CTBP2: variants seen among roughly 807,000 people sequenced by gnomAD.
CTBP2 encodes C-terminal binding protein 2, also known as C-terminal-binding protein 2.
Under a neutral mutation model 80.3 loss-of-function variants are expected in CTBP2, and 30 were observed. That is an observed-to-expected ratio of 0.37 (90% CI 0.28 to 0.51). The LOEUF (loss-of-function observed/expected upper bound fraction) is 0.51. CTBP2 is among the 20% of genes least tolerant of loss of function. CTBP2 has a pLI of 0.93. For missense variants in CTBP2, 1,212 were observed against 1,375.3 expected, an observed-to-expected ratio of 0.88 and a Z score of 1.88; for synonymous variants, 594 against 587.4, an observed-to-expected ratio of 1.01 and a Z score of -0.16.
chr10:125,123,955 A>G (rs1306583193), intron 1 of CTBP2, among the ~76,000 whole-genome samples: 2 of 152,218 alleles, frequency 1.3e-5, no homozygotes, highest in Non-Finnish European at 2.9e-5. Flanking sequence ...GTGCTGGGCA[A>G]GTGCCTCTCT....
rs1952018098 is a variant in CTBP2 at position 124,985,731 on chromosome 10, G to T, written c.*3787C>A. The T allele has an allele frequency of 6.6e-6, 1 of 152,354 alleles. No individual in the cohort carries two copies. Among genetic ancestry groups the T allele is most frequent in the Non-Finnish European group, 1.5e-5 (1 of 68,032 alleles). 9.4% of individuals were successfully genotyped at this position (152,354 alleles called of 1,614,324 possible). ...TTGGGAAGAATACCTTAAAATGAGG[G>T]TTCTTATTCCAGATTCTGGGCAGTG... On this transcript the variant is annotated 3_prime_UTR_variant, in exon 9 of 9. Coordinates refer to ENST00000309035, the MANE Select transcript of CTBP2 (RefSeq NM_022802.3).
chr10:125,148,098 C>A (rs905300341), intron 1 of CTBP2, among the ~76,000 whole-genome samples: 2 of 152,186 alleles, frequency 1.3e-5, no homozygotes, highest in African/African-American at 4.8e-5. Flanking sequence ...CTTTGCCACA[C>A]TTCCTTGTTT....
chr10:125,142,884 A>G (rs542364722), intron 1 of CTBP2, among the ~76,000 whole-genome samples: 1 of 152,280 alleles, frequency 6.6e-6, no homozygotes, highest in African/African-American at 2.4e-5. Context: ...TTACTCAGGG[A>G]AAATCATTTC....
chr10:125,056,064 C>G (rs1963844201), intron 2 of CTBP2, among the ~76,000 whole-genome samples: 1 of 152,012 alleles, frequency 6.6e-6, no homozygotes, highest in African/African-American at 2.4e-5. Context: ...ACTCAGGAGG[C>G]TAAGGCAGGA....
At chr10:125,162,108 A>G (rs1861933949), upstream of CTBP2, among the ~76,000 whole-genome samples, 1 of 152,190 alleles carries the variant, frequency 6.6e-6, no homozygotes, top group South Asian at 2.1e-4. Context: ...TCCTCCAAGA[A>G]TCCCTGGGTG....
chr10:125,079,236 C>G (rs567042894), intron 2 of CTBP2, among the ~76,000 whole-genome samples: 1 of 152,132 alleles, frequency 6.6e-6, no homozygotes, highest in Admixed American at 6.6e-5. Flanking sequence ...GGATATCACC[C>G]GGCTCCACCA....
rs772906761 is a variant in CTBP2 at position 125,026,424 on chromosome 10, C to A, written c.1336G>T (p.Ala446Ser). 2 of 1,604,110 alleles carry A rather than the reference C, an allele frequency of 1.2e-6. No homozygotes were observed. Among genetic ancestry groups the A allele is most frequent in the South Asian group, 1.1e-5 (1 of 90,490 alleles). ...GTGGGGCTCAGACGCGCTGTCAGGG[C>A]GCAAGGGGTGGGAGAGCTGTACCCG... The change falls in exon 1 of 9, where the codon GCC becomes TCC. Residue 446 changes from alanine to serine, a missense_variant. Physicochemically the swap from Ala to Ser is moderately conservative, Grantham distance 99. Transcript: ENST00000309035.
intron 2 of CTBP2, among the ~76,000 whole-genome samples, chr10:125,097,309 A>G (rs1849684574): frequency 6.6e-6 from 1 of 152,232 alleles, no homozygotes; most frequent in African/African-American, 2.4e-5. Flanking sequence ...TCCAATTACA[A>G]AATTTACTAG....
chr10:125,079,443 C>T (rs1846845300), intron 2 of CTBP2, among the ~76,000 whole-genome samples: 1 of 152,206 alleles, frequency 6.6e-6, no homozygotes, highest in South Asian at 2.1e-4. Context: ...TCTAGGGATT[C>T]AGTCCTGCGA....
intron 2 of CTBP2, among the ~76,000 whole-genome samples, chr10:125,041,275 T>A (rs1959660108): frequency 6.6e-6 from 1 of 152,122 alleles, no homozygotes; most frequent in African/African-American, 2.4e-5. Flanking sequence ...GAGATGGGGT[T>A]TCACACCATG....
chr10:125,156,518 G>C (rs1044645698), intron 1 of CTBP2, among the ~76,000 whole-genome samples: 3 of 152,130 alleles, frequency 2.0e-5, no homozygotes, highest in African/African-American at 7.2e-5. Context: ...GATCTCAGCA[G>C]GGCTACTCCC....
In CTBP2 at chr10:124,998,185, G is replaced by A. The variant is rs1462512800; in HGVS notation, c.1979-15C>T. The A allele has an allele frequency of 1.3e-6, 2 of 1,591,888 alleles. No individual in the cohort carries two copies. The highest frequency in any genetic ancestry group is 1.1e-5 in the South Asian group (1 of 87,678). On this transcript the variant is annotated splice_polypyrimidine_tract_variant and intron_variant, in intron 3 of 8. Coordinates refer to ENST00000309035, the MANE Select transcript of CTBP2 (RefSeq NM_022802.3). ...CACGGCAATTCCTGAAAGGGATGAG[G>A]CCAAGGCCGGAGATGAGAAAACCTC...
In CTBP2 at chr10:125,090,684, GC is replaced by G. The variant is rs1848637712; in HGVS notation, c.-102+20305del. On this transcript the variant is annotated intron_variant, in intron 2 of 10. Transcript: ENST00000337195. The stretch of plus-strand genomic sequence containing the variant: ...AGGCTGAGGTGGGAGGACTGCTTGA[GC>G]CCAGGACGTCGAGGCTGTAGTAAGC... 3.3e-5 allele frequency among the ~76,000 whole-genome samples: 5 copies of G among 151,862 alleles called. No individual in the cohort carries two copies. In the South Asian group the frequency reaches 1.0e-3, roughly 32 times the overall value.
chr10:125,069,880 G>GCCC (rs1201050608), intron 2 of CTBP2, among the ~76,000 whole-genome samples: 1 of 102,886 alleles, frequency 9.7e-6, no homozygotes. Flanking sequence ...TCCATACCCT[G>GCCC]CCCCCCTCCC....
chr10:125,071,332 G>A (rs1845455490), intron 2 of CTBP2, among the ~76,000 whole-genome samples: 1 of 152,246 alleles, frequency 6.6e-6, no homozygotes, highest in Non-Finnish European at 1.5e-5. Flanking sequence ...ATTCAGGGAT[G>A]ATGGAAAAAC....
In CTBP2 at chr10:125,106,294, C is replaced by T. The variant is rs80183066; in HGVS notation, c.-102+4696G>A. Among the ~76,000 whole-genome samples the T allele has an allele frequency of 8.9e-3, 1,348 of 152,284 alleles. 46 individuals are homozygous for T. The South Asian group carries it at 0.12, about 13-fold the overall frequency. On this transcript the variant is annotated intron_variant, in intron 2 of 10. Transcript: ENST00000337195. ...ACCATGACAAACCTGAGAAAGCTTC[C>T]AGGAATATCAAAGCCCCCGGGAAGC...
chr10:125,022,193 T>G (rs1452305318), intron 1 of CTBP2, among the ~76,000 whole-genome samples: 2 of 151,876 alleles, frequency 1.3e-5, no homozygotes, highest in African/African-American at 4.8e-5. Flanking sequence ...CCTGCTTCCC[T>G]GCCGGTGCAC....
chr10:125,040,000 C>G (rs2936544), intron 2 of CTBP2, among the ~76,000 whole-genome samples: 8,646 of 152,196 alleles, frequency 0.057, 489 homozygotes, highest in African/African-American at 0.15. Context: ...GGAAGAGGAG[C>G]TGCTGCCCAT....
intron 1 of CTBP2, among the ~76,000 whole-genome samples, chr10:125,151,889 C>T (rs185459730): frequency 6.6e-6 from 1 of 152,288 alleles, no homozygotes; most frequent in Non-Finnish European, 1.5e-5. Flanking sequence ...CAAAGGCCAG[C>T]GGGAGGAAGG....
Sources: gnomAD v4.1 joint callset for allele counts (sites outside exome capture counted in the v4.1 genomes callset) on GRCh38, gnomAD v4.1.1 for gene constraint, MANE v1.5 for transcripts, NCBI Gene and HGNC (gene_info 2026-07-23, HGNC 2026-07-21) for gene names.